The following GLDC variants were observed in gnomAD, a reference collection of about 807,000 sequenced individuals.
The protein encoded by GLDC is glycine dehydrogenase (decarboxylating), mitochondrial.
In GLDC, 104 loss-of-function variants were observed where a neutral mutation model predicts 121.3. The ratio of observed to expected loss-of-function variants is 0.86; its 90% CI spans 0.73 to 1.01. GLDC has a LOEUF of 1.01. Among genes scored for constraint, GLDC ranks in the 50% least tolerant of loss-of-function variants. The probability of loss-of-function intolerance (pLI) is 0.00; values close to 1 mark genes in which losing one functional copy is unlikely to be tolerated. For synonymous variants in GLDC, 546 were observed against 480.6 expected, an observed-to-expected ratio of 1.14 and a Z score of -1.78; for missense variants, 1,429 against 1,306.6, an observed-to-expected ratio of 1.09 and a Z score of -1.44.
At chr9:6,562,346 A>AT (rs1449862832) in intron 16 of GLDC, among the ~76,000 whole-genome samples, 1 of 152,166 alleles carries the variant, frequency 6.6e-6, no homozygotes, top group Non-Finnish European at 1.5e-5. Context: ...ACCCATCAGG[A>AT]GCCCAGGCAC....
chr9:6,599,673 A>G (rs989134735), intron 8 of GLDC, among the ~76,000 whole-genome samples: 1 of 148,346 alleles, frequency 6.7e-6, no homozygotes, highest in African/African-American at 2.5e-5. Context: ...GTGAGCTGAG[A>G]TTGGGCCGCT....
intron 15 of GLDC, among the ~76,000 whole-genome samples, chr9:6,581,957 G>T (rs555289645): frequency 6.6e-6 from 1 of 152,104 alleles, no homozygotes; most frequent in African/African-American, 2.4e-5. Context: ...GTTCCCGCCT[G>T]TAACCCCAGC....
At chr9:6,592,412 C>T (rs1290507596) in intron 10 of GLDC, among the ~76,000 whole-genome samples, 189 bp from the exon 11 acceptor site, 3 of 152,204 alleles carry the variant, frequency 2.0e-5, no homozygotes, top group Non-Finnish European at 4.4e-5. Flanking sequence ...CACAAGGCTT[C>T]GAGTTTTGCC....
intron 2 of GLDC, among the ~76,000 whole-genome samples, chr9:6,623,968 C>T (rs949828992): frequency 6.6e-6 from 1 of 152,200 alleles, no homozygotes; most frequent in Non-Finnish European, 1.5e-5. Flanking sequence ...GGACAGGTCC[C>T]TGTTCTGCGT....
intron 15 of GLDC, among the ~76,000 whole-genome samples, chr9:6,573,864 G>A (rs1412628109): frequency 6.6e-6 from 1 of 152,102 alleles, no homozygotes; most frequent in Admixed American, 6.5e-5. Flanking sequence ...CTATCTACCA[G>A]GTGGAAAAAA....
chr9:6,639,016 A>G (rs1409788820), intron 2 of GLDC: 1 of 490,930 alleles, frequency 2.0e-6, no homozygotes, highest in African/African-American at 2.0e-5. Flanking sequence ...CTCAGAAAAA[A>G]AAAAAAAGTA....
chr9:6,580,008 C>T (rs1247308750), intron 15 of GLDC, among the ~76,000 whole-genome samples: 1 of 152,220 alleles, frequency 6.6e-6, no homozygotes, highest in African/African-American at 2.4e-5. Context: ...GGAGAATCTC[C>T]TCATCTACAA....
chr9:6,622,907 T>C lies in GLDC; in HGVS notation c.335-2588A>G, dbSNP rs541049523. 16 of 202,032 alleles carry C rather than the reference T, an allele frequency of 7.9e-5. No individual in the cohort carries two copies. In the South Asian group the frequency reaches 9.3e-4, roughly 12 times the overall value. The allele number at this position is 202,032 out of a possible 1,614,324, so 12.5% of individuals were successfully genotyped here. On this transcript the variant is annotated intron_variant, in intron 2 of 24. Coordinates refer to ENST00000321612, the MANE Select transcript of GLDC (RefSeq NM_000170.3). Reference sequence around the variant, plus strand: ...CTCTGCCCCGCCGCCCGGTCTGGGATGTGAGGAGCACCTCTGCCTGGCCGC... The same window carrying C: ...CTCTGCCCCGCCGCCCGGTCTGGGACGTGAGGAGCACCTCTGCCTGGCCGC...
chr9:6,638,083 T>C (rs1483045994), intron 2 of GLDC, among the ~76,000 whole-genome samples: 1 of 152,192 alleles, frequency 6.6e-6, no homozygotes, highest in African/African-American at 2.4e-5. Context: ...CATAATTATT[T>C]AAGATTCCAT....
intron 3 of GLDC, among the ~76,000 whole-genome samples, chr9:6,610,653 T>C (rs1240119258): frequency 6.6e-6 from 1 of 152,170 alleles, no homozygotes; most frequent in African/African-American, 2.4e-5. Context: ...CAGGCTGGAG[T>C]GCAATAGCAT....
intron 2 of GLDC, among the ~76,000 whole-genome samples, chr9:6,625,079 C>A (rs1396886653): frequency 1.3e-5 from 2 of 152,004 alleles, no homozygotes; most frequent in Non-Finnish European, 2.9e-5. Context: ...TGGAAGTAAT[C>A]GACCCCAATA....
Position 6,610,363 on chromosome 9 carries a change from G to C in GLDC, c.471-7C>G, listed in dbSNP as rs1362669104. The C allele has an allele frequency of 6.2e-7, 1 of 1,613,868 alleles. No individual in the cohort carries two copies. The highest frequency in any genetic ancestry group is 8.5e-7 in the Non-Finnish European group (1 of 1,179,808). The stretch of plus-strand genomic sequence containing the variant: ...TGGAGTATACTGGGTGATCCTGCAA[G>C]GGAAACAAAAGGTCTTGTCCAAACT... On this transcript the variant is annotated splice_polypyrimidine_tract_variant and splice_region_variant and intron_variant, in intron 3 of 24. Transcript: ENST00000321612.
At chr9:6,540,201 A>T in intron 21 of GLDC, 55 bp from the exon 22 acceptor site, 2 of 1,068,738 alleles carry the variant, frequency 1.9e-6, no homozygotes, top group East Asian at 2.4e-5. Context: ...TGTTTTACCC[A>T]AACAAATGAA....
chr9:6,639,146 G>A (rs544054871), intron 2 of GLDC: 65 of 750,564 alleles, frequency 8.7e-5, no homozygotes, highest in Non-Finnish European at 1.4e-4. Context: ...ACAAGATGGC[G>A]CCGAAAGCGA....
At chr9:6,629,588 G>T (rs953748453) in intron 2 of GLDC, among the ~76,000 whole-genome samples, 1 of 144,914 alleles carries the variant, frequency 6.9e-6, no homozygotes, top group Admixed American at 7.0e-5. Flanking sequence ...ATCTGTATGA[G>T]TCAAGATACC....
intron 3 of GLDC, among the ~76,000 whole-genome samples, chr9:6,618,051 T>A (rs772868354): frequency 6.6e-6 from 1 of 152,236 alleles, no homozygotes. Context: ...AAATTAAAGT[T>A]ACCTCTTCCA....
At chr9:6,574,044 C>G (rs980161390) in intron 15 of GLDC, among the ~76,000 whole-genome samples, 12 of 152,192 alleles carry the variant, frequency 7.9e-5, no homozygotes, top group Admixed American at 7.2e-4. Context: ...TCTTACCAAT[C>G]TGTATCAATT....
At chr9:6,538,043 A>T (rs528762476) in intron 22 of GLDC, among the ~76,000 whole-genome samples, 2 of 152,336 alleles carry the variant, frequency 1.3e-5, no homozygotes, top group East Asian at 3.9e-4. Flanking sequence ...GAAATGCACA[A>T]ATCCTAACTG....
chr9:6,620,420 T>TAAC, intron 2 of GLDC, 101 bp from the exon 3 acceptor site: 2 of 1,001,148 alleles, frequency 2.0e-6, no homozygotes. Flanking sequence ...TATGACAGAA[T>TAAC]AACTATATGG....
Sources: allele counts gnomAD v4.1 joint callset (sites outside exome capture counted in the v4.1 genomes callset), GRCh38; gene constraint gnomAD v4.1.1; transcripts MANE v1.5; gene names NCBI Gene and HGNC (gene_info 2026-07-23, HGNC 2026-07-21).